Variants in ADK observed in about 807,000 individuals in gnomAD.
The protein encoded by ADK is N6,N6-dimethyladenosine kinase.
Under a neutral mutation model 44.7 loss-of-function variants are expected in ADK, and 24 were observed. The observed-to-expected ratio is 0.54, with a 90% CI of 0.39 to 0.76. The LOEUF is 0.76. Ranked by LOEUF, ADK falls within the 30% of genes least tolerant of loss-of-function variation. The pLI is 0.00. For missense variants in ADK, 321 were observed against 425.1 expected (o/e 0.76, Z 2.15); for synonymous variants, 128 against 142.6 (o/e 0.90, Z 0.73).
intron 1 of ADK, among the ~76,000 whole-genome samples, chr10:74,186,474 G>A (rs777215833): frequency 1.3e-5 from 2 of 151,630 alleles, no homozygotes; most frequent in African/African-American, 2.4e-5. Flanking sequence ...TAACAATGCC[G>A]GGGGAGTGGG....
chr10:74,502,237 A>G (rs79127356), intron 6 of ADK, among the ~76,000 whole-genome samples: 1 of 151,928 alleles, frequency 6.6e-6, no homozygotes, highest in East Asian at 1.9e-4. Flanking sequence ...ATCAATTGCT[A>G]TTTTTTTTAA....
At chr10:74,664,562 G>A (rs1224940969) in intron 9 of ADK, among the ~76,000 whole-genome samples, 1 of 152,146 alleles carries the variant, frequency 6.6e-6, no homozygotes, top group Non-Finnish European at 1.5e-5. Flanking sequence ...GTAATATGTG[G>A]CCAGGCATGG....
At chr10:74,564,114 A>G (rs562244423) in intron 7 of ADK, among the ~76,000 whole-genome samples, 5 of 148,252 alleles carry the variant, frequency 3.4e-5, no homozygotes, top group African/African-American at 5.0e-5. Context: ...TCATTGTTCA[A>G]TTCCCACCTA....
intron 4 of ADK, among the ~76,000 whole-genome samples, chr10:74,320,278 T>C (rs1267372158): frequency 6.6e-6 from 1 of 152,204 alleles, no homozygotes; most frequent in Admixed American, 6.5e-5. Flanking sequence ...ATGTTAAATA[T>C]GTCAACTCAC....
At chr10:74,262,912 A>G (rs1371275437) in intron 3 of ADK, among the ~76,000 whole-genome samples, 2 of 152,178 alleles carry the variant, frequency 1.3e-5, no homozygotes, top group African/African-American at 4.8e-5. Context: ...TTTTTATATT[A>G]GGAGAGAACA....
intron 2 of ADK, among the ~76,000 whole-genome samples, chr10:74,220,635 A>G (rs1476468508): frequency 2.6e-5 from 4 of 152,236 alleles, no homozygotes; most frequent in African/African-American, 9.6e-5. Flanking sequence ...AATACTGGCA[A>G]ACCGAATCCA....
chr10:74,510,136 T>G (rs1848248764), intron 6 of ADK, among the ~76,000 whole-genome samples: 1 of 152,188 alleles, frequency 6.6e-6, no homozygotes, highest in Non-Finnish European at 1.5e-5. Context: ...TAGTTCTACT[T>G]GTGGTTTTTA....
chr10:74,442,893 A>G (rs1366484014), intron 6 of ADK, among the ~76,000 whole-genome samples: 1 of 152,214 alleles, frequency 6.6e-6, no homozygotes, highest in East Asian at 1.9e-4. Flanking sequence ...ACATTATGCT[A>G]AGTGAAATAG....
chr10:74,690,285 A>G (rs769641281), intron 10 of ADK, among the ~76,000 whole-genome samples: 4 of 152,228 alleles, frequency 2.6e-5, no homozygotes, highest in African/African-American at 9.6e-5. Flanking sequence ...GCTTGAACTC[A>G]GGAGTTTGTT....
intron 2 of ADK, among the ~76,000 whole-genome samples, chr10:74,201,582 A>T (rs939765508): frequency 2.0e-5 from 3 of 152,046 alleles, no homozygotes; most frequent in Non-Finnish European, 2.9e-5. Flanking sequence ...ACTTTATCAT[A>T]GTATGATGTG....
chr10:74,431,751 A>G (rs1241886048), intron 6 of ADK, among the ~76,000 whole-genome samples: 1 of 151,274 alleles, frequency 6.6e-6, no homozygotes, highest in African/African-American at 2.4e-5. Flanking sequence ...CAATCAATCA[A>G]TCAATCAATC....
chr10:74,436,960 A>G (rs997693894), intron 6 of ADK, among the ~76,000 whole-genome samples: 1 of 152,208 alleles, frequency 6.6e-6, no homozygotes, highest in South Asian at 2.1e-4. Context: ...GCATATAGAA[A>G]ATCTTAAGGA....
In ADK at chr10:74,613,738, G is replaced by A. The variant is rs11001085; in HGVS notation, c.877+13245G>A. On this transcript the variant is annotated intron_variant, in intron 9 of 10. Coordinates refer to ENST00000539909, the MANE Select transcript of ADK (RefSeq NM_006721.4). ...GGTAGACGTAAAGTTCAGAAAATGT[G>A]CGTTAGAAAATGCAAACTCTAAAGG... Among the ~76,000 whole-genome samples, 90 of 152,168 alleles carry A rather than the reference G, an allele frequency of 5.9e-4. 2 individuals carry two copies. In the East Asian group the frequency reaches 0.016, roughly 27 times the overall value.
chr10:74,218,391 G>C (rs141300520), intron 2 of ADK, among the ~76,000 whole-genome samples: 4,855 of 152,298 alleles, frequency 0.032, 276 homozygotes, highest in African/African-American at 0.11. Context: ...ATCTACGTCT[G>C]ATTGGTGTAC....
intron 3 of ADK, among the ~76,000 whole-genome samples, chr10:74,310,498 A>C (rs186745921): frequency 6.6e-6 from 1 of 152,016 alleles, no homozygotes; most frequent in South Asian, 2.1e-4. Context: ...TCCACATCTT[A>C]CATTTCTTTA....
In ADK at chr10:74,485,338, T is replaced by C. The variant is rs1055925780; in HGVS notation, c.556-39918T>C. Among the ~76,000 whole-genome samples the C allele has an allele frequency of 2.0e-5, 3 of 152,070 alleles. No homozygotes were observed. In the South Asian group the frequency reaches 6.2e-4, roughly 32 times the overall value. ...TTAGCCGGGCATGGTGGCACATGCC[T>C]GTATTCCCAGCAATTCAGGAGGCTG... On this transcript the variant is annotated intron_variant, in intron 6 of 10. Transcript: ENST00000539909.
At chr10:74,636,176 T>C (rs551725671) in intron 9 of ADK, among the ~76,000 whole-genome samples, 1 of 152,160 alleles carries the variant, frequency 6.6e-6, no homozygotes, top group African/African-American at 2.4e-5. Context: ...CTAATATAAA[T>C]AGAAACTACA....
chr10:74,271,635 T>C (rs566295075), intron 3 of ADK, among the ~76,000 whole-genome samples: 2 of 127,688 alleles, frequency 1.6e-5, no homozygotes, highest in African/African-American at 3.0e-5. Context: ...ATTGTTCAAT[T>C]CCCATCTATG....
At chr10:74,606,756 T>A (rs2133981776) in intron 9 of ADK, among the ~76,000 whole-genome samples, 1 of 152,296 alleles carries the variant, frequency 6.6e-6, no homozygotes, top group African/African-American at 2.4e-5. Context: ...TAGGTCTGCT[T>A]GGCCAGAGCT....
Sources: allele counts gnomAD v4.1 joint callset (sites outside exome capture counted in the v4.1 genomes callset), GRCh38; gene constraint gnomAD v4.1.1; transcripts MANE v1.5; gene names NCBI Gene and HGNC (gene_info 2026-07-23, HGNC 2026-07-21).